Variants in PARVB observed in about 807,000 individuals in gnomAD.
The protein encoded by PARVB is parvin beta.
PARVB carries 46 observed loss-of-function variants against 47.0 expected under a neutral mutation model. The ratio of observed to expected loss-of-function variants is 0.98; its 90% confidence interval spans 0.77 to 1.25. PARVB has a LOEUF of 1.25. Among genes scored for constraint, PARVB ranks in the 50% most tolerant of loss-of-function variants. The pLI, the probability that PARVB is intolerant of heterozygous loss-of-function variation, is 0.00. For missense variants in PARVB, 473 were observed against 471.6 expected, an observed-to-expected ratio of 1.00 and a Z score of -0.03; for synonymous variants, 196 against 196.3, an observed-to-expected ratio of 1.00 and a Z score of 0.01.
At position 44,155,428 on chromosome 22, in the gene PARVB, C is replaced by G. The variant is rs568736002; in HGVS notation, c.844-2554C>G. On this transcript the variant is annotated intron_variant, in intron 10 of 12. Coordinates refer to ENST00000338758, the MANE Select transcript of PARVB (RefSeq NM_013327.5). This position sits in a 1 kb window ranked among gnomAD's most constrained non-coding sequence, Gnocchi z 4.8. The stretch of plus-strand genomic sequence containing the variant: ...GGTCACCCGCTCGCAGCTGGGCCCC[C>G]CAGCCCTGCCCTCTCCTTGTGGCCG... Among the ~76,000 whole-genome samples the G allele has an allele frequency of 4.5e-4, 68 of 152,328 alleles. No individual in the cohort carries two copies. Among genetic ancestry groups the G allele is most frequent in the Non-Finnish European group, 8.5e-4 (58 of 68,032 alleles).
At chr22:44,077,351 T>C (rs1014959000) in intron 1 of PARVB, among the ~76,000 whole-genome samples, 6 of 152,160 alleles carry the variant, frequency 3.9e-5, no homozygotes, top group Non-Finnish European at 5.9e-5. Flanking sequence ...TCCTCTCCTC[T>C]TCTTGTAAGG....
chr22:44,167,503 A>T (rs1275293384), intron 12 of PARVB, among the ~76,000 whole-genome samples: 2 of 151,908 alleles, frequency 1.3e-5, no homozygotes, highest in Admixed American at 1.3e-4. Context: ...CCACCATGGG[A>T]GTGGAGTCAG....
At chr22:44,105,417 G>A (rs2147081299) in intron 3 of PARVB, 1 of 152,400 alleles carries the variant, frequency 6.6e-6, no homozygotes, top group South Asian at 2.1e-4. Context: ...GCCCATGCCT[G>A]GAGCTGTCTT....
chr22:44,024,695 G>C, intron 1 of PARVB, among the ~76,000 whole-genome samples: 1 of 152,200 alleles, frequency 6.6e-6, no homozygotes, highest in South Asian at 2.1e-4. Flanking sequence ...CGCCTGCGCG[G>C]CGGGGACCTC....
intron 1 of PARVB, among the ~76,000 whole-genome samples, chr22:44,043,852 G>A (rs1233906370): frequency 1.3e-5 from 2 of 152,118 alleles, no homozygotes; most frequent in Non-Finnish European, 2.9e-5. Flanking sequence ...GGGTGAGGGC[G>A]GGTGGATCCG....
intron 1 of PARVB, among the ~76,000 whole-genome samples, chr22:44,040,399 G>A (rs2050996811): frequency 6.6e-6 from 1 of 152,142 alleles, no homozygotes; most frequent in Admixed American, 6.6e-5. Context: ...TGTGGTCAAA[G>A]GGAATTTGCA....
intron 8 of PARVB, chr22:44,146,291 CCT>C (rs1417533550): frequency 9.1e-6 from 1 of 109,980 alleles, no homozygotes; most frequent in Non-Finnish European, 1.9e-5. Flanking sequence ...TCACACACAA[CCT>C]CACACGCACA....
intron 11 of PARVB, among the ~76,000 whole-genome samples, chr22:44,161,350 C>T (rs577845382): frequency 1.4e-5 from 2 of 147,294 alleles, no homozygotes; most frequent in East Asian, 4.0e-4. Context: ...ATCTCACTCT[C>T]TCACCCAGGC....
At chr22:44,023,688 C>T (rs1419034430), upstream of PARVB, among the ~76,000 whole-genome samples, 6 of 152,202 alleles carry the variant, frequency 3.9e-5, no homozygotes, top group South Asian at 2.1e-4. Context: ...CTCCTCTCCC[C>T]TCCCTGGCAC....
Position 44,132,903 on chromosome 22 carries a change from G to T in PARVB, c.527G>T (p.Gly176Val). The T allele has an allele frequency of 1.9e-6, 3 of 1,613,190 alleles. No homozygotes were observed. Among genetic ancestry groups the T allele is most frequent in the Non-Finnish European group, 2.5e-6 (3 of 1,179,234 alleles). Residue 176 changes from glycine (G) to valine (V), a missense_variant, in exon 6 of 13, where the codon GGG becomes GTG. Transcript: ENST00000338758. The stretch of plus-strand genomic sequence containing the variant: ...CTCCTTCCTCCTGCAGCAATTCACG[G>T]GAAGAACCTGGTGGCCATCCTCCAC... ...ALRWSVDSIH[G>V]KNLVAILHLL...
chr22:44,020,219 C>A (rs879791656), upstream of PARVB, among the ~76,000 whole-genome samples: 95 of 151,772 alleles, frequency 6.3e-4, no homozygotes, highest in Non-Finnish European at 1.2e-3. Flanking sequence ...CTCTGTTGCC[C>A]AGGCTGGAGT....
chr22:44,066,820 CTCT>C (rs148720626), intron 1 of PARVB, among the ~76,000 whole-genome samples: 145 of 121,660 alleles, frequency 1.2e-3, no homozygotes, highest in African/African-American at 2.0e-3. Flanking sequence ...CCTCCTCCTC[CTCT>C]TCCTCCTCCA....
intron 2 of PARVB, among the ~76,000 whole-genome samples, chr22:44,098,036 G>T (rs1372453586): frequency 6.6e-6 from 1 of 152,234 alleles, no homozygotes; most frequent in Non-Finnish European, 1.5e-5. Flanking sequence ...CGAGTTCCCT[G>T]TGGGGGCCAC....
At chr22:44,031,197 C>G (rs1011080672) in intron 1 of PARVB, among the ~76,000 whole-genome samples, 3 of 152,324 alleles carry the variant, frequency 2.0e-5, no homozygotes, top group African/African-American at 7.2e-5. Flanking sequence ...GCGACGCTGC[C>G]CAGCACCTTC....
intron 1 of PARVB, among the ~76,000 whole-genome samples, chr22:44,028,558 G>A (rs1489154304): frequency 6.6e-6 from 1 of 152,170 alleles, no homozygotes; most frequent in African/African-American, 2.4e-5. Flanking sequence ...CCTGCTGAAG[G>A]ACATCTTGGT....
In PARVB at chr22:44,068,739, T is replaced by G. The variant is rs935794317; in HGVS notation, c.113-25189T>G. Among the ~76,000 whole-genome samples the G allele has an allele frequency of 4.6e-5, 7 of 152,032 alleles. No homozygotes were observed. Among genetic ancestry groups the G allele is most frequent in the Non-Finnish European group, 7.4e-5 (5 of 67,982 alleles). ...GCCAGCTTGCAGACCCCCAATCACTTCTCCTGTCTCAGGGCCCAGAGAGCA... is the reference window on the plus strand; with the variant it reads ...GCCAGCTTGCAGACCCCCAATCACTGCTCCTGTCTCAGGGCCCAGAGAGCA... On this transcript the variant is annotated intron_variant, in intron 1 of 12. Coordinates refer to ENST00000338758, the MANE Select transcript of PARVB (RefSeq NM_013327.5). This position sits in a 1 kb window ranked among gnomAD's most constrained non-coding sequence, Gnocchi z 4.1.
chr22:44,157,094 A>G (rs1439550199), intron 10 of PARVB, among the ~76,000 whole-genome samples: 1 of 152,258 alleles, frequency 6.6e-6, no homozygotes, highest in African/African-American at 2.4e-5. Context: ...TTTAATTTAA[A>G]TAGCTGCATG....
Position 44,042,593 on chromosome 22 carries a change from T to C in PARVB, c.112+18142T>C, listed in dbSNP as rs183893834. On this transcript the variant is annotated intron_variant, in intron 1 of 12. Coordinates refer to ENST00000338758, the MANE Select transcript of PARVB (RefSeq NM_013327.5). ...TGCTGCTGCTGAGAACGTCTGCACT[T>C]TGTTAGGGGAAGAGAGTGTTTTAGT... 5.3e-5 allele frequency among the ~76,000 whole-genome samples: 8 copies of C among 152,314 alleles called. No individual in the cohort carries two copies. In the East Asian group the frequency reaches 1.5e-3, roughly 29 times the overall value.
At chr22:44,147,684 C>T (rs377522427) in intron 8 of PARVB, 177 bp from the exon 9 acceptor site, 50 of 757,720 alleles carry the variant, frequency 6.6e-5, no homozygotes, top group Non-Finnish European at 8.0e-5. Context: ...TTGGTTTGGC[C>T]GGGACTGATC....
Sources: gnomAD v4.1 joint callset for allele counts (sites outside exome capture counted in the v4.1 genomes callset) on GRCh38, gnomAD v4.1.1 for gene constraint, Gnocchi (gnomAD v3.1) non-coding constraint, MANE v1.5 for transcripts, NCBI Gene and HGNC (gene_info 2026-07-23, HGNC 2026-07-21) for gene names.